The following HSD17B11 variants were observed in gnomAD, a reference collection of about 807,000 sequenced individuals.
HSD17B11 encodes the protein hydroxysteroid 17-beta dehydrogenase 11.
HSD17B11 carries 22 observed loss-of-function variants against 27.8 expected under a neutral mutation model. The observed-to-expected ratio is 0.79, with a 90% CI of 0.56 to 1.13. The LOEUF (loss-of-function observed/expected upper bound fraction) is 1.13. HSD17B11 is among the 50% of genes most tolerant of loss of function. The probability of loss-of-function intolerance (pLI) is 0.00; values close to 1 mark genes in which losing one functional copy is unlikely to be tolerated. For missense variants in HSD17B11, 314 were observed against 351.1 expected, an observed-to-expected ratio of 0.89 and a Z score of 0.84; for synonymous variants, 117 against 132.8, an observed-to-expected ratio of 0.88 and a Z score of 0.82.
intron 5 of HSD17B11, chr4:87,345,100 C>T (rs1735245819): frequency 6.6e-6 from 1 of 152,028 alleles, no homozygotes; most frequent in South Asian, 2.1e-4. Context: ...CCTGTCTCTA[C>T]AAACAATTTT....
intron 5 of HSD17B11, among the ~76,000 whole-genome samples, chr4:87,344,671 C>T (rs1030416060): frequency 6.6e-6 from 1 of 152,132 alleles, no homozygotes; most frequent in African/African-American, 2.4e-5. Flanking sequence ...TGCCTCACAC[C>T]ATCCCAACAA....
chr4:87,385,110 T>A (rs1024471158), intron 1 of HSD17B11, among the ~76,000 whole-genome samples: 1 of 152,204 alleles, frequency 6.6e-6, no homozygotes, highest in Non-Finnish European at 1.5e-5. Context: ...TATACTCTCA[T>A]GAGGAACTCT....
chr4:87,391,100 T>A lies in HSD17B11; in HGVS notation c.-30A>T, dbSNP rs1560774398. Reference sequence around the variant, plus strand: ...TTTGTGGCTGCGAGCGTTTGGTGTGTTTTTTTTTTTTTTTACCACTCTAAA... The same window carrying A: ...TTTGTGGCTGCGAGCGTTTGGTGTGATTTTTTTTTTTTTTACCACTCTAAA... On this transcript the variant is annotated 5_prime_UTR_variant, in exon 1 of 7. Transcript: ENST00000358290. 3 of 202,962 alleles carry A rather than the reference T, an allele frequency of 1.5e-5. No individual in the cohort carries two copies. Among genetic ancestry groups the A allele is most frequent in the Admixed American group, 7.9e-5 (1 of 12,676 alleles). The allele number at this position is 202,962 out of a possible 1,614,324, so 12.6% of individuals were successfully genotyped here.
At chr4:87,339,335 T>C (rs927937902) in intron 6 of HSD17B11, among the ~76,000 whole-genome samples, 1 of 152,238 alleles carries the variant, frequency 6.6e-6, no homozygotes, top group Non-Finnish European at 1.5e-5. Context: ...AAGCCTAACA[T>C]ATGTCATGCT....
At chr4:87,369,879 T>C (rs977932260) in intron 4 of HSD17B11, among the ~76,000 whole-genome samples, 11 of 152,242 alleles carry the variant, frequency 7.2e-5, no homozygotes, top group Non-Finnish European at 1.6e-4. Flanking sequence ...AATTGTTTTC[T>C]TTTAAAAATC....
At position 87,337,197 on chromosome 4, in the gene HSD17B11, A is replaced by G. The variant is rs1229867525; in HGVS notation, c.*79T>C. The G allele has an allele frequency of 2.3e-6, 2 of 871,492 alleles. No homozygotes were observed. The highest frequency in any genetic ancestry group is 1.4e-5 in the South Asian group (1 of 70,232). The allele number at this position is 871,492 out of a possible 1,614,324, so 54.0% of individuals were successfully genotyped here. A position where few individuals can be genotyped will look rare whatever the true frequency, so the allele number is the denominator to read the frequency against. Reference sequence around the variant, plus strand: ...AATGGGGATAATTAGAAAAAACAGAAGTTCAAACATTAAAATTCTGGCACT... The same window carrying G: ...AATGGGGATAATTAGAAAAAACAGAGGTTCAAACATTAAAATTCTGGCACT... On this transcript the variant is annotated 3_prime_UTR_variant, in exon 7 of 7. Coordinates refer to ENST00000358290, the MANE Select transcript of HSD17B11 (RefSeq NM_016245.5).
chr4:87,365,926 G>C (rs1735607166), intron 4 of HSD17B11: 1 of 151,942 alleles, frequency 6.6e-6, no homozygotes, highest in Non-Finnish European at 1.5e-5. Context: ...GCGTGATCTT[G>C]ACTCACCGCA....
At position 87,391,164 on chromosome 4, in the gene HSD17B11, G is replaced by C. The variant is rs1156555660; in HGVS notation, c.-94C>G. The C allele has an allele frequency of 1.1e-6, 1 of 879,526 alleles. No homozygotes were observed. Among genetic ancestry groups the C allele is most frequent in the East Asian group, 2.7e-5 (1 of 37,634 alleles). 54.5% of individuals were successfully genotyped at this position (879,526 alleles called of 1,614,324 possible). On this transcript the variant is annotated 5_prime_UTR_variant, in exon 1 of 7. Transcript: ENST00000358290. ...GTAGCTCGATCTAACACCAGAAAGA[G>C]TAGGGGCGAGAGCAAGGAGGAACTC...
At chr4:87,344,563 T>G (rs1735232338) in intron 5 of HSD17B11, among the ~76,000 whole-genome samples, 1 of 152,194 alleles carries the variant, frequency 6.6e-6, no homozygotes, top group South Asian at 2.1e-4. Context: ...AGCCGGGGAC[T>G]TTATTTTCCA....
At chr4:87,371,098 TA>T (rs1391882443) in intron 4 of HSD17B11, among the ~76,000 whole-genome samples, 1 of 151,886 alleles carries the variant, frequency 6.6e-6, no homozygotes, top group Non-Finnish European at 1.5e-5. Flanking sequence ...AAGCACAGAG[TA>T]GAGTAACTTG....
chr4:87,380,249 C>T (rs1406880870), intron 2 of HSD17B11, among the ~76,000 whole-genome samples: 1 of 150,806 alleles, frequency 6.6e-6, no homozygotes, highest in Non-Finnish European at 1.5e-5. Context: ...CCAAGGCAGG[C>T]GGATCGCGAG....
At chr4:87,372,225 T>A (rs11727469) in intron 4 of HSD17B11, among the ~76,000 whole-genome samples, 51,780 of 135,794 alleles carry the variant, frequency 0.38, 10,655 homozygotes, top group African/African-American at 0.57. Flanking sequence ...CCTGGGTGAC[T>A]GAGCCAGACT....
intron 2 of HSD17B11, among the ~76,000 whole-genome samples, chr4:87,378,854 AT>A (rs1253489039): frequency 0.012 from 270 of 22,660 alleles, 15 homozygotes; most frequent in African/African-American, 0.033. Flanking sequence ...AAATATATAT[AT>A]AAATATATAT....
At chr4:87,383,864 C>A (rs768846306) in intron 1 of HSD17B11, among the ~76,000 whole-genome samples, 5 of 151,198 alleles carry the variant, frequency 3.3e-5, no homozygotes, top group African/African-American at 7.3e-5. Flanking sequence ...CTGTTTTTGC[C>A]ATTAGTTTAA....
At chr4:87,357,983 A>G (rs1246147557) in intron 4 of HSD17B11, among the ~76,000 whole-genome samples, 1 of 44,244 alleles carries the variant, frequency 2.3e-5, no homozygotes, top group Non-Finnish European at 4.3e-5. Flanking sequence ...TTTTTTTGAG[A>G]CAGAGTCTTG....
At chr4:87,360,609 G>A (rs1453199890) in intron 4 of HSD17B11, among the ~76,000 whole-genome samples, 2 of 152,202 alleles carry the variant, frequency 1.3e-5, no homozygotes, top group Non-Finnish European at 1.5e-5. Context: ...AACGTTTGAA[G>A]CCACTGTTGA....
chr4:87,368,348 C>CA (rs1054508884), intron 4 of HSD17B11, among the ~76,000 whole-genome samples: 1 of 151,912 alleles, frequency 6.6e-6, no homozygotes, highest in African/African-American at 2.4e-5. Flanking sequence ...ACAAAAAACT[C>CA]AAGAGTCATG....
rs779268156 is a variant in HSD17B11, at chr4:87,340,519, A to G, written c.783T>C (p.Ser261=). The G allele has an allele frequency of 2.5e-6, 4 of 1,609,434 alleles. No homozygotes were observed. Among genetic ancestry groups the G allele is most frequent in the Non-Finnish European group, 3.4e-6 (4 of 1,177,482 alleles). ...CCAATGTTGTTAAAAAAGCTATAGA[A>G]GATGGAATAAAAATCATCTTCTGCT... ...LTEQKMIFIP[S]SIAFLTTLER... The change falls in exon 6 of 7, where the codon TCT becomes TCC. Residue 261 remains serine, a synonymous_variant. Transcript: ENST00000358290.
intron 4 of HSD17B11, among the ~76,000 whole-genome samples, chr4:87,359,843 A>G (rs903833781): frequency 6.6e-6 from 1 of 152,186 alleles, no homozygotes; most frequent in African/African-American, 2.4e-5. Context: ...TATATGATAT[A>G]TTCTAAACTT....
Sources: gnomAD v4.1 joint callset for allele counts (sites outside exome capture counted in the v4.1 genomes callset) on GRCh38, gnomAD v4.1.1 for gene constraint, MANE v1.5 for transcripts, NCBI Gene and HGNC (gene_info 2026-07-23, HGNC 2026-07-21) for gene names.